ERC1: variants seen among roughly 807,000 people sequenced by gnomAD.
The protein encoded by ERC1 is RAB6 interacting protein 2.
Under a neutral mutation model 132.0 loss-of-function variants are expected in ERC1, and 56 were observed. That is an observed-to-expected ratio of 0.42 (90% CI 0.34 to 0.53). ERC1 has a LOEUF of 0.53. Among genes scored for constraint, ERC1 ranks in the 20% least tolerant of loss-of-function variants. The pLI, the probability that ERC1 is intolerant of heterozygous loss-of-function variation, is 0.03. For missense variants in ERC1, 1,202 were observed against 1,349.9 expected, an observed-to-expected ratio of 0.89 and a Z score of 1.72; for synonymous variants, 478 against 476.1, an observed-to-expected ratio of 1.00 and a Z score of -0.05.
chr12:1,196,980 T>A (rs978116979), intron 12 of ERC1, among the ~76,000 whole-genome samples: 1,338 of 60,534 alleles, frequency 0.022, 51 homozygotes, highest in African/African-American at 0.049. Context: ...ATATATATTT[T>A]TTTTTTTTTT....
intron 15 of ERC1, among the ~76,000 whole-genome samples, chr12:1,320,564 A>C (rs1037482058): frequency 2.0e-5 from 3 of 152,248 alleles, no homozygotes; most frequent in Admixed American, 2.0e-4. Context: ...ACAAATTTGT[A>C]ATGCAGAATT....
chr12:1,375,626 C>T (rs11061723), intron 16 of ERC1, among the ~76,000 whole-genome samples: 61,811 of 151,892 alleles, frequency 0.41, 13,869 homozygotes, highest in African/African-American at 0.59. Context: ...TAGAGTCCCC[C>T]CTTCCATTCC....
chr12:1,454,288 A>G (rs1009990148), intron 18 of ERC1, among the ~76,000 whole-genome samples: 2 of 152,180 alleles, frequency 1.3e-5, no homozygotes, highest in African/African-American at 4.8e-5. Flanking sequence ...CTGCCGGTTC[A>G]TTTGTGTTAT....
chr12:1,272,220 G>T (rs1267410847), intron 14 of ERC1, among the ~76,000 whole-genome samples: 1 of 152,182 alleles, frequency 6.6e-6, no homozygotes, highest in African/African-American at 2.4e-5. Flanking sequence ...AACAGATTCT[G>T]ACACGTGGTA....
intron 2 of ERC1, among the ~76,000 whole-genome samples, chr12:1,037,933 A>T (rs1324787467): frequency 6.6e-6 from 1 of 151,478 alleles, no homozygotes; most frequent in East Asian, 1.9e-4. Context: ...AGTCCCAGCT[A>T]CTCGGGAGGC....
intron 15 of ERC1, among the ~76,000 whole-genome samples, chr12:1,345,965 A>T (rs1033144046): frequency 6.6e-6 from 1 of 152,196 alleles, no homozygotes; most frequent in African/African-American, 2.4e-5. Context: ...TGTTCTTCTA[A>T]TGCAGAGTGG....
At chr12:1,292,571 T>G (rs2079531408) in intron 15 of ERC1, among the ~76,000 whole-genome samples, 1 of 152,078 alleles carries the variant, frequency 6.6e-6, no homozygotes, top group South Asian at 2.1e-4. Flanking sequence ...TATATACTCA[T>G]GAGATGCTTT....
intron 15 of ERC1, among the ~76,000 whole-genome samples, chr12:1,349,031 C>T (rs1204717066): frequency 1.3e-5 from 2 of 152,144 alleles, no homozygotes; most frequent in South Asian, 2.1e-4. Flanking sequence ...TCTCCTGTCC[C>T]GTGTTCTTAT....
In ERC1 at chr12:1,378,166, C is replaced by T. The variant is rs1267039039; in HGVS notation, c.2925+6189C>T. ...TAAAATTTGGGAAGAACTGGCTTAA[C>T]ATTGATCTGAAGAATGTAGGGGTCA... is the stretch of plus-strand genomic sequence containing the variant. On this transcript the variant is annotated intron_variant, in intron 16 of 18. Transcript: ENST00000360905. Among the ~76,000 whole-genome samples, 6 of 152,268 alleles carry T rather than the reference C, an allele frequency of 3.9e-5. No individual in the cohort carries two copies. In the East Asian group the frequency reaches 1.2e-3, roughly 29 times the overall value.
At chr12:1,319,158 T>A (rs191865735) in intron 15 of ERC1, among the ~76,000 whole-genome samples, 61 of 152,304 alleles carry the variant, frequency 4.0e-4, no homozygotes, top group Middle Eastern at 3.4e-3. Context: ...GATACTTTCT[T>A]CATTTTTCAT....
intron 12 of ERC1, among the ~76,000 whole-genome samples, chr12:1,232,491 A>G (rs1208422190): frequency 6.6e-6 from 1 of 152,070 alleles, no homozygotes; most frequent in Non-Finnish European, 1.5e-5. Flanking sequence ...GTCGTTTTTA[A>G]TTCACTTTTC....
At chr12:1,412,327 G>A (rs1402776405) in intron 17 of ERC1, among the ~76,000 whole-genome samples, 1 of 152,144 alleles carries the variant, frequency 6.6e-6, no homozygotes, top group African/African-American at 2.4e-5. Context: ...ACATTTTCTA[G>A]GACACCAATA....
chr12:1,070,287 T>G (rs545620026), intron 2 of ERC1, among the ~76,000 whole-genome samples: 1 of 151,306 alleles, frequency 6.6e-6, no homozygotes, highest in East Asian at 1.9e-4. Context: ...TCTTTTTTTC[T>G]TACTTTCTTT....
chr12:1,011,148 T>A (rs1391321712), intron 1 of ERC1, among the ~76,000 whole-genome samples: 1 of 152,230 alleles, frequency 6.6e-6, no homozygotes, highest in Non-Finnish European at 1.5e-5. Context: ...GTGTTCACCC[T>A]GGAATTACAG....
chr12:1,374,824 A>ATTTTT (rs5795968), intron 16 of ERC1, among the ~76,000 whole-genome samples: 124 of 124,542 alleles, frequency 1.0e-3, no homozygotes, highest in Middle Eastern at 4.5e-3. Context: ...ACAGGCTGGG[A>ATTTTT]TTTTTTTTTT....
At chr12:1,159,255 AG>A (rs1310130349) in intron 8 of ERC1, among the ~76,000 whole-genome samples, 1 of 152,182 alleles carries the variant, frequency 6.6e-6, no homozygotes, top group Non-Finnish European at 1.5e-5. Context: ...GCCATGCTGC[AG>A]GGGACAGTTT....
intron 17 of ERC1, among the ~76,000 whole-genome samples, chr12:1,433,686 C>T (rs913447137): frequency 2.0e-5 from 3 of 152,190 alleles, no homozygotes; most frequent in Non-Finnish European, 1.5e-5. Context: ...ATGGCGGAGA[C>T]TTTACTCCCT....
At chr12:1,188,342 T>C (rs1423157119) in intron 11 of ERC1, among the ~76,000 whole-genome samples, 1 of 152,210 alleles carries the variant, frequency 6.6e-6, no homozygotes, top group Non-Finnish European at 1.5e-5. Flanking sequence ...GTACTCCTTA[T>C]GGTCTTCTTC....
chr12:1,416,611 C>T (rs969546731), intron 17 of ERC1, among the ~76,000 whole-genome samples: 1 of 152,228 alleles, frequency 6.6e-6, no homozygotes, highest in African/African-American at 2.4e-5. Flanking sequence ...AATCAGCTGC[C>T]TTTGGACGTT....
Sources: gnomAD v4.1 joint callset for allele counts (sites outside exome capture counted in the v4.1 genomes callset) on GRCh38, gnomAD v4.1.1 for gene constraint, MANE v1.5 for transcripts, NCBI Gene and HGNC (gene_info 2026-07-23, HGNC 2026-07-21) for gene names.